Variants in TRIM37 observed in about 807,000 individuals in gnomAD.
TRIM37 encodes the protein E3 ubiquitin-protein ligase TRIM37.
Under a neutral mutation model 129.8 loss-of-function variants are expected in TRIM37, and 80 were observed. The ratio of observed to expected loss-of-function variants is 0.62; its 90% CI spans 0.51 to 0.74. The LOEUF (loss-of-function observed/expected upper bound fraction) is 0.74, where lower values mean the gene tolerates loss of function less well. TRIM37 is among the 30% of genes least tolerant of loss of function. The pLI, the probability that TRIM37 is intolerant of heterozygous loss-of-function variation, is 0.00. For synonymous variants in TRIM37, 389 were observed against 387.1 expected (o/e 1.00, Z -0.06); for missense variants, 1,054 against 1,176.5 (o/e 0.90, Z 1.52).
In TRIM37 at chr17:59,068,976, C is replaced by T. The variant is rs142137433; in HGVS notation, c.809+1847G>A. The stretch of plus-strand genomic sequence containing the variant: ...ATAAAACACAGGAAAGCTCACCCCA[C>T]CCCACAAATAATTATTCTGCTTAAA... On this transcript the variant is annotated intron_variant, in intron 9 of 23. Coordinates refer to ENST00000262294, the MANE Select transcript of TRIM37 (RefSeq NM_015294.6). Among the ~76,000 whole-genome samples, 364 of 152,194 alleles carry T rather than the reference C, an allele frequency of 2.4e-3. 2 individuals are homozygous for T. The highest frequency in any genetic ancestry group is 8.5e-3 in the African/African-American group (352 of 41,500).
intron 22 of TRIM37, among the ~76,000 whole-genome samples, chr17:59,010,100 A>G (rs1424655262): frequency 6.6e-6 from 1 of 152,114 alleles, no homozygotes; most frequent in East Asian, 1.9e-4. Flanking sequence ...GCTACAACTT[A>G]TTTCTATTAA....
At chr17:59,022,308 T>C (rs539849143) in intron 19 of TRIM37, among the ~76,000 whole-genome samples, 1 of 152,234 alleles carries the variant, frequency 6.6e-6, no homozygotes, top group South Asian at 2.1e-4. Flanking sequence ...TCCAGAATGG[T>C]CAACATTAGA....
intron 16 of TRIM37, among the ~76,000 whole-genome samples, chr17:59,044,391 T>C (rs1232225297): frequency 6.6e-6 from 1 of 152,000 alleles, no homozygotes; most frequent in Non-Finnish European, 1.5e-5. Context: ...CAAAACCCTG[T>C]CTCTACTAAA....
At chr17:59,061,214 G>A (rs1489089366) in intron 11 of TRIM37, 106 bp from the exon 12 acceptor site, 2 of 836,196 alleles carry the variant, frequency 2.4e-6, no homozygotes, top group Admixed American at 2.1e-5. Flanking sequence ...AAGCCTCAAA[G>A]CAATGGAAGA....
At chr17:59,056,697 C>T (rs902280372) in intron 13 of TRIM37, among the ~76,000 whole-genome samples, 178 bp downstream of exon 13, 3 of 89,024 alleles carry the variant, frequency 3.4e-5, no homozygotes, top group Middle Eastern at 0.013. Flanking sequence ...GCCAGGGCGA[C>T]AGAGCGAGAC....
rs139900326 is a variant in TRIM37, at chr17:59,027,377, T to A, written c.2257+1038A>T. ...AATAGAACTTTCCTAAAATTCTATT[T>A]AGGCTTTTTCAACTATGGTTCTGAG... On this transcript the variant is annotated intron_variant, in intron 19 of 23. Coordinates refer to ENST00000262294, the MANE Select transcript of TRIM37 (RefSeq NM_015294.6). 4.9e-3 allele frequency among the ~76,000 whole-genome samples: 743 copies of A among 152,324 alleles called. 2 individuals are homozygous for A. The highest frequency in any genetic ancestry group is 0.017 in the African/African-American group (721 of 41,576).
At chr17:58,979,318 C>T (rs956311614), downstream of TRIM37, among the ~76,000 whole-genome samples, 3 of 152,120 alleles carry the variant, frequency 2.0e-5, no homozygotes, top group African/African-American at 7.2e-5. Context: ...AATAGAAAGC[C>T]AAGTGGGTTG....
rs764446401 is a variant in TRIM37, at chr17:59,061,024, C to T, written c.1019+8G>A. 2.5e-6 allele frequency: 4 copies of T among 1,610,814 alleles called. No individual in the cohort carries two copies. The East Asian group carries it at 6.7e-5, about 27-fold the overall frequency. ...ACATTAAGGTTGTTATTTAATTACA[C>T]TTCTTACTTAGAAGTTTCAGGCAAG... On this transcript the variant is annotated splice_region_variant and intron_variant, in intron 12 of 23. Transcript: ENST00000262294.
intron 17 of TRIM37, among the ~76,000 whole-genome samples, chr17:59,037,438 G>A (rs1184164434): frequency 1.3e-5 from 2 of 151,204 alleles, no homozygotes; most frequent in Non-Finnish European, 2.9e-5. Context: ...GGCGCCTGTA[G>A]TCCCAGCTAT....
chr17:59,088,190 A>C (rs2043948705), intron 4 of TRIM37, 101 bp downstream of exon 4: 1 of 744,292 alleles, frequency 1.3e-6, no homozygotes, highest in Non-Finnish European at 2.4e-6. Flanking sequence ...ATATAACACT[A>C]CTTATTCATA....
At chr17:59,098,793 A>G (rs2045166884) in intron 2 of TRIM37, among the ~76,000 whole-genome samples, 1 of 152,212 alleles carries the variant, frequency 6.6e-6, no homozygotes. Context: ...AAGAAATGAA[A>G]GCAGGAACTC....
intron 4 of TRIM37, chr17:59,088,056 G>T: frequency 6.7e-6 from 4 of 597,740 alleles, no homozygotes; most frequent in Non-Finnish European, 1.2e-5. Flanking sequence ...TTTCTGTGTG[G>T]GGGGAGGGGA....
chr17:59,034,677 A>G (rs2038266877), intron 17 of TRIM37, among the ~76,000 whole-genome samples: 1 of 151,944 alleles, frequency 6.6e-6, no homozygotes. Flanking sequence ...CCACCTTTCT[A>G]CCCACTATCA....
intron 22 of TRIM37, among the ~76,000 whole-genome samples, chr17:59,008,424 C>T (rs1008356837): frequency 6.6e-5 from 10 of 152,164 alleles, no homozygotes; most frequent in South Asian, 2.1e-4. Context: ...GAAAATGTAC[C>T]GATCTTCACT....
At chr17:59,038,031 C>CAT (rs1429804075) in intron 17 of TRIM37, among the ~76,000 whole-genome samples, 1 of 152,096 alleles carries the variant, frequency 6.6e-6, no homozygotes, top group Admixed American at 6.6e-5. Flanking sequence ...CCATTGTCAA[C>CAT]ATATCAACAT....
At position 59,028,541 on chromosome 17, in the gene TRIM37, T is replaced by C. The variant is rs373529399; in HGVS notation, c.2131A>G (p.Thr711Ala). 1.9e-6 allele frequency: 3 copies of C among 1,614,280 alleles called. No individual in the cohort carries two copies. The highest frequency in any genetic ancestry group is 1.7e-5 in the Admixed American group (1 of 60,030). The change falls in exon 19 of 24, where the codon ACA (threonine) becomes GCA (alanine). Residue 711 changes from threonine (T) to alanine (A), a missense_variant. Transcript: ENST00000262294. Reference protein sequence around the residue: ...SSSAASGDMQTSLFSADQAAL... With the variant: ...SSSAASGDMQASLFSADQAAL... ...GCCTGGTCAGCAGAAAAAAGGCTTG[T>C]CTGCATGTCTCCAGAAGCAGCACTG...
At chr17:59,094,946 T>C (rs898869199) in intron 2 of TRIM37, among the ~76,000 whole-genome samples, 1 of 152,182 alleles carries the variant, frequency 6.6e-6, no homozygotes, top group South Asian at 2.1e-4. Flanking sequence ...TCGGGTGTGG[T>C]GGCTCACACC....
At chr17:59,051,927 T>G (rs2040390900) in intron 13 of TRIM37, among the ~76,000 whole-genome samples, 2 of 152,262 alleles carry the variant, frequency 1.3e-5, no homozygotes, top group Admixed American at 1.3e-4. Context: ...AAGTTTTAAG[T>G]GCTGCTCTTT....
intron 10 of TRIM37, chr17:59,064,111 G>A (rs2041732909): frequency 2.3e-6 from 1 of 442,474 alleles, no homozygotes; most frequent in South Asian, 3.0e-5. Context: ...CTGGGTGACA[G>A]AGCAAAACCC....
Sources: gnomAD v4.1 joint callset for allele counts (sites outside exome capture counted in the v4.1 genomes callset) on GRCh38, gnomAD v4.1.1 for gene constraint, MANE v1.5 for transcripts, NCBI Gene and HGNC (gene_info 2026-07-23, HGNC 2026-07-21) for gene names.